PEX11G: variants seen among roughly 807,000 people sequenced by gnomAD.
The protein encoded by PEX11G is peroxisomal biogenesis factor 11 gamma.
In PEX11G, 20 loss-of-function variants were observed where a neutral mutation model predicts 22.5. The ratio of observed to expected loss-of-function variants is 0.89; its 90% CI spans 0.62 to 1.29. PEX11G has a LOEUF of 1.29. Ranked by LOEUF, PEX11G falls within the 50% of genes most tolerant of loss-of-function variation. PEX11G has a pLI of 0.00. For missense variants in PEX11G, 347 were observed against 331.3 expected, an observed-to-expected ratio of 1.05 and a Z score of -0.37; for synonymous variants, 141 against 154.5, an observed-to-expected ratio of 0.91 and a Z score of 0.65.
At chr19:7,492,341 G>A (rs1320284835), upstream of PEX11G, among the ~76,000 whole-genome samples, 1 of 152,090 alleles carries the variant, frequency 6.6e-6, no homozygotes, top group Admixed American at 6.5e-5. Context: ...ATCCTTTTTT[G>A]ATTATGATAG....
In PEX11G at chr19:7,488,937, C is replaced by A; in HGVS notation, c.60+14G>T. 1 of 1,549,896 alleles carries A rather than the reference C, an allele frequency of 6.5e-7. No homozygotes were observed. On this transcript the variant is annotated intron_variant, in intron 1 of 4. Coordinates refer to ENST00000221480, the MANE Select transcript of PEX11G (RefSeq NM_080662.4). ...AACTCTAGGACCTCCGGCCCCGGTC[C>A]GCCCCTGCCTCACCAGGCGGTCCCG... is the stretch of plus-strand genomic sequence containing the variant.
At chr19:7,481,933 C>G in intron 3 of PEX11G, 100 bp downstream of exon 3, 2 of 1,221,164 alleles carry the variant, frequency 1.6e-6, no homozygotes, top group South Asian at 3.5e-5. Context: ...AAAGACCCAC[C>G]GCAGTCTGAA....
upstream of PEX11G, among the ~76,000 whole-genome samples, chr19:7,493,382 A>G (rs2021922865): frequency 2.0e-5 from 3 of 151,936 alleles, no homozygotes; most frequent in South Asian, 6.2e-4. Flanking sequence ...TTTAATAGAA[A>G]TAGGGTCTCA....
chr19:7,493,531 G>C (rs368537660), upstream of PEX11G, among the ~76,000 whole-genome samples: 21 of 151,578 alleles, frequency 1.4e-4, no homozygotes, highest in African/African-American at 5.1e-4. Context: ...TTGAGACAGG[G>C]TCTCGCTCTG....
At chr19:7,489,102 C>G (rs2021808108), upstream of PEX11G, 1 of 1,350,110 alleles carries the variant, frequency 7.4e-7, no homozygotes, top group Non-Finnish European at 9.5e-7. Flanking sequence ...GGCTTGCGCG[C>G]AGGCGCGGCC....
chr19:7,477,061 A>G lies in PEX11G; in HGVS notation c.*141T>C, dbSNP rs1333762577. The G allele has an allele frequency of 2.7e-6, 2 of 730,920 alleles. No individual in the cohort carries two copies. Among genetic ancestry groups the G allele is most frequent in the Non-Finnish European group, 4.0e-6 (2 of 505,376 alleles). The allele number at this position is 730,920 out of a possible 1,614,324, so 45.3% of individuals were successfully genotyped here. A position where few individuals can be genotyped will look rare whatever the true frequency, so the allele number is the denominator to read the frequency against. ...CAGGCTGAGGCCTGGGGGACCTCGC[A>G]TCAGTCCCTCCACCCACCCTGCCCA... On this transcript the variant is annotated 3_prime_UTR_variant, in exon 5 of 5. Transcript: ENST00000221480.
chr19:7,478,844 G>A (rs753290494), intron 3 of PEX11G, among the ~76,000 whole-genome samples: 13 of 152,224 alleles, frequency 8.5e-5, no homozygotes, highest in African/African-American at 2.2e-4. Context: ...CACACACCCC[G>A]GACATTGGCT....
At chr19:7,483,084 C>T (rs1189912384) in intron 2 of PEX11G, among the ~76,000 whole-genome samples, 1 of 151,338 alleles carries the variant, frequency 6.6e-6, no homozygotes, top group Non-Finnish European at 1.5e-5. Context: ...ACCCCACCCC[C>T]CTTGGGACCC....
rs796964821 is a variant in PEX11G at position 7,476,917 on chromosome 19, C to T, written c.*285G>A. On this transcript the variant is annotated 3_prime_UTR_variant, in exon 5 of 5. Coordinates refer to ENST00000221480, the MANE Select transcript of PEX11G (RefSeq NM_080662.4). ...TAATTGATTCCCGTTCCAGCTTTCT[C>T]AAGGCACGACAGGCCCCCTCTTCCT... The T allele has an allele frequency of 1.0e-5, 4 of 386,380 alleles. No individual in the cohort carries two copies. In the South Asian group the frequency reaches 4.4e-4, roughly 43 times the overall value. The allele number at this position is 386,380 out of a possible 1,614,324, so 23.9% of individuals were successfully genotyped here.
At chr19:7,477,625 G>A (rs776772487) in intron 4 of PEX11G, among the ~76,000 whole-genome samples, 189 bp from the exon 5 acceptor site, 39 of 152,070 alleles carry the variant, frequency 2.6e-4, no homozygotes, top group Non-Finnish European at 4.1e-4. Context: ...ACCCAAGCAC[G>A]AACAGGGCAG....
chr19:7,477,179 G>A lies in PEX11G; in HGVS notation c.*23C>T, dbSNP rs1418482834. 2 of 1,446,354 alleles carry A rather than the reference G, an allele frequency of 1.4e-6. No homozygotes were observed. The highest frequency in any genetic ancestry group is 3.0e-5 in the South Asian group (2 of 67,324). 89.6% of individuals were successfully genotyped at this position (1,446,354 alleles called of 1,614,324 possible). On this transcript the variant is annotated 3_prime_UTR_variant, in exon 5 of 5. Transcript: ENST00000221480. ...AGGGCCCTCCGTGGGCTCTGGCTGTGTCCCTGTGCTCTTCCGGCAGTGTCA... is the reference window on the plus strand; with the variant it reads ...AGGGCCCTCCGTGGGCTCTGGCTGTATCCCTGTGCTCTTCCGGCAGTGTCA...
At chr19:7,489,146 C>G, upstream of PEX11G, 1 of 1,207,774 alleles carries the variant, frequency 8.3e-7, no homozygotes. Context: ...GCTTTTTGTC[C>G]GCTGTAGGGG....
In PEX11G at chr19:7,477,340, C is replaced by A; in HGVS notation, c.588G>T (p.Val196=). 6.4e-7 allele frequency: 1 copy of A among 1,560,284 alleles called. No individual in the cohort carries two copies. The highest frequency in any genetic ancestry group is 8.7e-7 in the Non-Finnish European group (1 of 1,154,370). ...ACAGCACGCCCCGGGGCAGCCAGTG[C>A]ACGGCGTTGGCCAGGTCGGCCAGGT... The part of the protein sequence containing the change: ...LSNLADLANA[V]HWLPRGVLWA... Residue 196 remains valine (V), a synonymous_variant, in exon 5 of 5, where the codon GTG becomes GTT. Coordinates refer to ENST00000221480, the MANE Select transcript of PEX11G (RefSeq NM_080662.4).
chr19:7,485,156 A>G (rs2021579530), intron 2 of PEX11G, among the ~76,000 whole-genome samples: 1 of 143,452 alleles, frequency 7.0e-6, no homozygotes, highest in Admixed American at 6.9e-5. Context: ...GACCCTGTCT[A>G]TAAAAAAAAT....
chr19:7,480,045 C>T (rs1977416525), intron 3 of PEX11G, among the ~76,000 whole-genome samples: 1 of 152,114 alleles, frequency 6.6e-6, no homozygotes. Flanking sequence ...AAGTGGATCA[C>T]CTGAGCCCAG....
intron 2 of PEX11G, among the ~76,000 whole-genome samples, chr19:7,485,346 T>A (rs2145972076): frequency 6.6e-6 from 1 of 151,822 alleles, no homozygotes; most frequent in Admixed American, 6.6e-5. Flanking sequence ...AATTTTTGTA[T>A]TATCAGTAGA....
intron 3 of PEX11G, among the ~76,000 whole-genome samples, chr19:7,481,057 G>A (rs1018579259): frequency 1.3e-5 from 2 of 152,130 alleles, no homozygotes; most frequent in Non-Finnish European, 2.9e-5. Context: ...CACTCCGCTG[G>A]CTGCTTCTCA....
In PEX11G at chr19:7,477,359, G is replaced by A; in HGVS notation, c.569C>T (p.Ala190Val). 2 of 1,557,634 alleles carry A rather than the reference G, an allele frequency of 1.3e-6. No individual in the cohort carries two copies. The highest frequency in any genetic ancestry group is 8.7e-7 in the Non-Finnish European group (1 of 1,153,614). Reference protein sequence around the residue: ...SEALSLLSNLADLANAVHWLP... With the variant: ...SEALSLLSNLVDLANAVHWLP... ...CCAGTGCACGGCGTTGGCCAGGTCG[G>A]CCAGGTTGCTGAGAAGTGACAGCGC... Residue 190 changes from alanine (A) to valine (V), a missense_variant, in exon 5 of 5, where the codon GCC (alanine) becomes GTC (valine). Ala to Val is a moderately conservative substitution (Grantham distance 64). Transcript: ENST00000221480.
intron 3 of PEX11G, among the ~76,000 whole-genome samples, chr19:7,478,877 G>A (rs982876947): frequency 1.1e-4 from 16 of 152,206 alleles, no homozygotes; most frequent in African/African-American, 3.9e-4. Flanking sequence ...ATGATCCCCT[G>A]GGCCCCCAGG....
Sources: allele counts gnomAD v4.1 joint callset (sites outside exome capture counted in the v4.1 genomes callset), GRCh38; gene constraint gnomAD v4.1.1; transcripts MANE v1.5; gene names NCBI Gene and HGNC (gene_info 2026-07-23, HGNC 2026-07-21).